The following WDTC1 variants were observed in gnomAD, a reference collection of about 807,000 sequenced individuals.
WDTC1 encodes the protein WD and tetratricopeptide repeats 1, also known as WD and tetratricopeptide repeats protein 1.
A neutral mutation model predicts 76.0 loss-of-function variants in WDTC1; 12 were observed. The observed-to-expected ratio is 0.16, with a 90% confidence interval of 0.10 to 0.26. The LOEUF is 0.26. Among genes scored for constraint, WDTC1 ranks in the 10% least tolerant of loss-of-function variants. The pLI, the probability that WDTC1 is intolerant of heterozygous loss-of-function variation, is 1.00. For missense variants in WDTC1, 511 were observed against 908.8 expected (o/e 0.56, Z 5.63); for synonymous variants, 326 against 350.8 (o/e 0.93, Z 0.79).
At chr1:27,244,071 G>A (rs947913212) in intron 1 of WDTC1, among the ~76,000 whole-genome samples, 5 of 152,028 alleles carry the variant, frequency 3.3e-5, no homozygotes, top group African/African-American at 9.6e-5. Context: ...TCTTGGGCCC[G>A]GGAGGCAGAG....
At chr1:27,243,999 G>T (rs2011722667) in intron 1 of WDTC1, among the ~76,000 whole-genome samples, 1 of 151,360 alleles carries the variant, frequency 6.6e-6, no homozygotes, top group Non-Finnish European at 1.5e-5. Flanking sequence ...TTAGCCAGGT[G>T]TGTGTGGGTG....
intron 1 of WDTC1, among the ~76,000 whole-genome samples, chr1:27,250,565 T>G (rs2012014136): frequency 6.6e-6 from 1 of 152,188 alleles, no homozygotes; most frequent in South Asian, 2.1e-4. Context: ...TTAAGTAACT[T>G]CCCTATGTAG....
At chr1:27,295,341 A>G (rs2013654098) in intron 9 of WDTC1, among the ~76,000 whole-genome samples, 1 of 152,222 alleles carries the variant, frequency 6.6e-6, no homozygotes, top group Non-Finnish European at 1.5e-5. Context: ...GATAAGCCAG[A>G]CATTCCTGGA....
intron 1 of WDTC1, among the ~76,000 whole-genome samples, chr1:27,244,888 G>C (rs190515826): frequency 7.2e-5 from 11 of 152,248 alleles, no homozygotes; most frequent in African/African-American, 2.4e-4. Context: ...AGATGTTTTA[G>C]GTTCCATCTC....
intron 1 of WDTC1, 129 bp downstream of exon 1, chr1:27,235,080 C>G (rs1557470127): frequency 3.2e-6 from 1 of 311,582 alleles, no homozygotes; most frequent in Non-Finnish European, 5.9e-6. Context: ...TGAGCCTACC[C>G]GCCTCGGGGC....
intron 1 of WDTC1, among the ~76,000 whole-genome samples, chr1:27,235,447 A>T (rs1032201154): frequency 6.7e-6 from 1 of 149,310 alleles, no homozygotes; most frequent in Admixed American, 6.7e-5. Flanking sequence ...TCCACAGCAG[A>T]TGCCTTCAGT....
intron 3 of WDTC1, among the ~76,000 whole-genome samples, chr1:27,263,702 T>A (rs2012560554): frequency 6.6e-6 from 1 of 152,196 alleles, no homozygotes; most frequent in East Asian, 1.9e-4. Context: ...CCACTGGGAT[T>A]ACAGGCGTGA....
At chr1:27,246,883 T>C (rs1202955062) in intron 1 of WDTC1, among the ~76,000 whole-genome samples, 12 of 146,878 alleles carry the variant, frequency 8.2e-5, no homozygotes, top group East Asian at 8.0e-4. Context: ...TTTTTTTTTT[T>C]CGAAACAGGG....
At chr1:27,258,881 G>C (rs896166513) in intron 1 of WDTC1, among the ~76,000 whole-genome samples, 1 of 152,198 alleles carries the variant, frequency 6.6e-6, no homozygotes, top group Non-Finnish European at 1.5e-5. Flanking sequence ...TGACTGGCAG[G>C]GTTGGCAGAG....
intron 5 of WDTC1, among the ~76,000 whole-genome samples, chr1:27,284,446 C>T (rs77911982): frequency 0.013 from 1,911 of 152,292 alleles, 23 homozygotes; most frequent in East Asian, 0.024. Flanking sequence ...GATACCTGAA[C>T]AAGATGATAG....
intron 2 of WDTC1, 100 bp from the exon 3 acceptor site, chr1:27,263,052 G>A: frequency 8.0e-7 from 1 of 1,242,300 alleles, no homozygotes; most frequent in Admixed American, 1.9e-5. Flanking sequence ...GTCTTCTTTA[G>A]CTCCTGTGGT....
chr1:27,285,869 C>T (rs961223908), intron 5 of WDTC1, among the ~76,000 whole-genome samples: 30 of 151,766 alleles, frequency 2.0e-4, no homozygotes, highest in African/African-American at 6.5e-4. Flanking sequence ...ATTACAGGTG[C>T]GAGCCACAGC....
Position 27,289,082 on chromosome 1 carries a change from T to C in WDTC1, c.479+1221T>C, listed in dbSNP as rs2013440036. ...CGGGGCGGCTGGCCGGGCAGGGGGC[T>C]GACCCCCCCACCTCCCTCCTGGACG... On this transcript the variant is annotated intron_variant, in intron 6 of 15. Coordinates refer to ENST00000319394, the MANE Select transcript of WDTC1 (RefSeq NM_001276252.2). Among the ~76,000 whole-genome samples, 6 of 137,270 alleles carry C rather than the reference T, an allele frequency of 4.4e-5. No homozygotes were observed. The South Asian group carries it at 1.2e-3, about 28-fold the overall frequency. 90.1% of individuals were successfully genotyped at this position (137,270 alleles called of 152,430 possible).
chr1:27,301,254 G>T lies in WDTC1; in HGVS notation c.1261G>T (p.Asp421Tyr). Residue 421 changes from aspartate to tyrosine, a missense_variant, in exon 13 of 16, where the codon GAC (aspartate) becomes TAC (tyrosine). Asp to Tyr is a radical substitution (Grantham distance 160). Coordinates refer to ENST00000319394, the MANE Select transcript of WDTC1 (RefSeq NM_001276252.2). This position sits in a 1 kb window ranked among gnomAD's most constrained non-coding sequence, Gnocchi z 5.8. Reference sequence around the variant, plus strand: ...TGGTGACCACTATGATGCCCTGAGGGACTGCCTCAAGGCCATCTCCCTAAA... The same window carrying T: ...TGGTGACCACTATGATGCCCTGAGGTACTGCCTCAAGGCCATCTCCCTAAA... ...WDGDHYDALR[D>Y]CLKAISLNPC... 1 of 1,614,096 alleles carries T rather than the reference G, an allele frequency of 6.2e-7. No individual in the cohort carries two copies. The highest frequency in any genetic ancestry group is 8.5e-7 in the Non-Finnish European group (1 of 1,180,036).
At chr1:27,276,267 G>A (rs2013025504) in intron 3 of WDTC1, among the ~76,000 whole-genome samples, 2 of 152,142 alleles carry the variant, frequency 1.3e-5, no homozygotes, top group South Asian at 4.1e-4. Flanking sequence ...GGGTCATATG[G>A]TAACTCAGTG....
Position 27,282,265 on chromosome 1 carries a change from G to A in WDTC1, c.159G>A (p.Leu53=). The change falls in exon 4 of 16, where the codon CTG becomes CTA. Residue 53 remains leucine (L), a synonymous_variant. Transcript: ENST00000319394. ...GTCACTCAGGATGTGTCAACTGTCT[G>A]GAGTGGAATGAGAAAGGAGAGTAAG... ...LQGHSGCVNC[L]EWNEKGDLLA... 6.2e-7 allele frequency: 1 copy of A among 1,613,810 alleles called. No individual in the cohort carries two copies. Among genetic ancestry groups the A allele is most frequent in the African/African-American group, 1.3e-5 (1 of 75,022 alleles).
chr1:27,282,312 G>C (rs773627075), intron 4 of WDTC1, 27 bp downstream of exon 4: 1 of 1,612,462 alleles, frequency 6.2e-7, no homozygotes, highest in Admixed American at 1.7e-5. Context: ...GCACCTGAAG[G>C]GTGCTGGGGA....
At chr1:27,282,335 G>C in intron 4 of WDTC1, 50 bp downstream of exon 4, 1 of 1,587,258 alleles carries the variant, frequency 6.3e-7, no homozygotes, top group Non-Finnish European at 8.6e-7. Flanking sequence ...GAAGTAAGGA[G>C]GGTGGAACAG....
intron 6 of WDTC1, among the ~76,000 whole-genome samples, chr1:27,288,994 A>C (rs1301940085): frequency 2.3e-4 from 15 of 65,136 alleles, no homozygotes; most frequent in East Asian, 1.2e-3. Context: ...CCCCCCCCCC[A>C]CCTCCCTCCC....
Sources: gnomAD v4.1 joint callset for allele counts (sites outside exome capture counted in the v4.1 genomes callset) on GRCh38, gnomAD v4.1.1 for gene constraint, Gnocchi (gnomAD v3.1) non-coding constraint, MANE v1.5 for transcripts, NCBI Gene and HGNC (gene_info 2026-07-23, HGNC 2026-07-21) for gene names.